TRIM2: variants seen among roughly 807,000 people sequenced by gnomAD.
The protein encoded by TRIM2 is tripartite motif containing 2, also known as tripartite motif-containing protein 2.
In TRIM2, 20 loss-of-function variants were observed where a neutral mutation model predicts 75.2. The ratio of observed to expected loss-of-function variants is 0.27; its 90% CI spans 0.19 to 0.39. TRIM2 has a LOEUF of 0.39. Ranked by LOEUF, TRIM2 falls within the 10% of genes least tolerant of loss-of-function variation. TRIM2 has a pLI of 1.00. For missense variants in TRIM2, 660 were observed against 990.8 expected (o/e 0.67, Z 4.48); for synonymous variants, 373 against 388.3 (o/e 0.96, Z 0.46).
chr4:153,335,539 CTG>C lies in TRIM2; in HGVS notation c.*574_*575del. On this transcript the variant is annotated 3_prime_UTR_variant, in exon 12 of 12. Coordinates refer to ENST00000338700, the MANE Select transcript of TRIM2 (RefSeq NM_015271.5). The stretch of plus-strand genomic sequence containing the variant: ...GATCCCAGCTCTGATTAGCAGCCCT[CTG>C]GAGTTCAGAACTTAAGTATCAGTGC... The C allele has an allele frequency of 1.0e-6, 1 of 985,398 alleles. No individual in the cohort carries two copies. Among genetic ancestry groups the C allele is most frequent in the Non-Finnish European group, 1.2e-6 (1 of 829,922 alleles). The allele number at this position is 985,398 out of a possible 1,614,324, so 61.0% of individuals were successfully genotyped here.
chr4:153,213,091 T>A (rs1737506031), intron 1 of TRIM2, among the ~76,000 whole-genome samples: 1 of 152,194 alleles, frequency 6.6e-6, no homozygotes, highest in South Asian at 2.1e-4. Context: ...GCAATGACTG[T>A]GTGCCAGGAA....
intron 1 of TRIM2, among the ~76,000 whole-genome samples, chr4:153,244,951 C>T (rs1050582611): frequency 6.6e-6 from 1 of 152,190 alleles, no homozygotes; most frequent in African/African-American, 2.4e-5. Context: ...CAGGTTCCTC[C>T]TGCCTTCCCT....
chr4:153,218,491 G>A (rs114554291), intron 1 of TRIM2, among the ~76,000 whole-genome samples: 1,832 of 152,292 alleles, frequency 0.012, 37 homozygotes, highest in African/African-American at 0.042. Context: ...ATTCAGGTGT[G>A]AGCCACTGTG....
At position 153,308,127 on chromosome 4, in the gene TRIM2, C is replaced by A. The variant is rs533597468; in HGVS notation, c.1511-7358C>A. On this transcript the variant is annotated intron_variant, in intron 6 of 11. Coordinates refer to ENST00000338700, the MANE Select transcript of TRIM2 (RefSeq NM_015271.5). ...GCTCCGCTCGGTCATGACGCTGATC[C>A]ACTTGGGAACTTCAGTTCCTTTCCT... 2.1e-4 allele frequency: 218 copies of A among 1,044,294 alleles called. 1 individual carries two copies. Among genetic ancestry groups the A allele is most frequent in the South Asian group, 4.6e-4 (37 of 79,744 alleles). The allele number at this position is 1,044,294 out of a possible 1,614,324, so 64.7% of individuals were successfully genotyped here.
At chr4:153,323,332 G>A (rs1241757986) in intron 9 of TRIM2, among the ~76,000 whole-genome samples, 1 of 152,206 alleles carries the variant, frequency 6.6e-6, no homozygotes, top group Non-Finnish European at 1.5e-5. Flanking sequence ...GCAAGAAGAG[G>A]CTGAAAATAG....
chr4:153,217,951 A>G (rs1738935570), intron 1 of TRIM2, among the ~76,000 whole-genome samples: 1 of 152,210 alleles, frequency 6.6e-6, no homozygotes, highest in South Asian at 2.1e-4. Flanking sequence ...TGATCCCATA[A>G]ATCTAAATTT....
intron 1 of TRIM2, among the ~76,000 whole-genome samples, chr4:153,212,932 A>T (rs1303261878): frequency 6.6e-6 from 1 of 152,146 alleles, no homozygotes; most frequent in Non-Finnish European, 1.5e-5. Flanking sequence ...TTGTCTATTC[A>T]TACAAAGGGA....
At position 153,160,329 on chromosome 4, in the gene TRIM2, G is replaced by C. The variant is rs537076925; in HGVS notation, c.-49+7059G>C. On this transcript the variant is annotated intron_variant, in intron 1 of 11. Transcript: ENST00000437508. ...ATCGGAGATTCAACAAAGCTTCAAGGTTCTAGAAATAAGCGCTTTTGAGAC... is the reference window on the plus strand; with the variant it reads ...ATCGGAGATTCAACAAAGCTTCAAGCTTCTAGAAATAAGCGCTTTTGAGAC... Among the ~76,000 whole-genome samples the C allele has an allele frequency of 2.4e-4, 37 of 152,302 alleles. No homozygotes were observed. In the East Asian group the frequency reaches 4.8e-3, roughly 20 times the overall value.
At chr4:153,191,398 G>A (rs935995849) in intron 1 of TRIM2, among the ~76,000 whole-genome samples, 15 of 152,236 alleles carry the variant, frequency 9.9e-5, no homozygotes, top group South Asian at 4.1e-4. Context: ...CCTGTGTCCC[G>A]GACAATCCTG....
chr4:153,331,260 T>C (rs1415066289), intron 11 of TRIM2, among the ~76,000 whole-genome samples: 3 of 152,058 alleles, frequency 2.0e-5, no homozygotes, highest in African/African-American at 7.2e-5. Flanking sequence ...GAGTTGGAGA[T>C]TGCAGTGAGC....
chr4:153,237,730 C>T (rs954890354), intron 1 of TRIM2, among the ~76,000 whole-genome samples: 1 of 152,022 alleles, frequency 6.6e-6, no homozygotes, highest in African/African-American at 2.4e-5. Context: ...AATACATAAA[C>T]ACATTTATGA....
chr4:153,158,694 T>C (rs556680646), intron 1 of TRIM2, among the ~76,000 whole-genome samples: 130 of 152,146 alleles, frequency 8.5e-4, no homozygotes, highest in African/African-American at 2.9e-3. Flanking sequence ...GGACAAGTGG[T>C]GCGGATAGCC....
chr4:153,315,984 C>G lies in TRIM2; in HGVS notation c.1767C>G (p.Ser589=), dbSNP rs767007696. 6.4e-7 allele frequency: 1 copy of G among 1,568,064 alleles called. No homozygotes were observed. Among genetic ancestry groups the G allele is most frequent in the South Asian group, 1.2e-5 (1 of 84,948 alleles). Residue 589 remains serine (S), a synonymous_variant, in exon 8 of 12, where the codon TCC becomes TCG. Coordinates refer to ENST00000338700, the MANE Select transcript of TRIM2 (RefSeq NM_015271.5). ...ATAAATGGGTCAGCATTTTCTCCTC[C>G]GATGGGAAATTTAAGGTAAGATTAA... ...YDNKWVSIFS[S]DGKFKTKIGS...
At chr4:153,240,111 G>A (rs7356315) in intron 1 of TRIM2, among the ~76,000 whole-genome samples, 18 of 152,178 alleles carry the variant, frequency 1.2e-4, no homozygotes, top group African/African-American at 3.6e-4. Context: ...TGGGATTACA[G>A]GCATAAGCCA....
rs1313204093 is a variant in TRIM2, at chr4:153,275,860, G to A, written c.216-33G>A. On this transcript the variant is annotated intron_variant, in intron 2 of 11. Transcript: ENST00000338700. ...CTGTGAGAAGTGGAGGTTCTGCACT[G>A]TGCTAAGCTCTCCACCTCTGCTTCT... 3.1e-6 allele frequency: 5 copies of A among 1,596,482 alleles called. No individual in the cohort carries two copies. In the South Asian group the frequency reaches 5.6e-5, roughly 18 times the overall value.
chr4:153,159,439 C>T (rs898562828), intron 1 of TRIM2, among the ~76,000 whole-genome samples: 1 of 151,368 alleles, frequency 6.6e-6, no homozygotes, highest in Non-Finnish European at 1.5e-5. Flanking sequence ...TAGCTGGGAC[C>T]ACAAGTGTGC....
At chr4:153,170,926 T>G (rs933494359) in intron 1 of TRIM2, among the ~76,000 whole-genome samples, 2 of 152,242 alleles carry the variant, frequency 1.3e-5, no homozygotes, top group Admixed American at 6.5e-5. Context: ...GGCACCAGGC[T>G]AAGACTATTA....
At chr4:153,279,212 G>C (rs1382834268) in intron 3 of TRIM2, among the ~76,000 whole-genome samples, 1 of 152,176 alleles carries the variant, frequency 6.6e-6, no homozygotes, top group Non-Finnish European at 1.5e-5. Context: ...TCAGAGAAAA[G>C]AGTACTCTTT....
At chr4:153,157,447 G>T (rs1002089284) in intron 1 of TRIM2, among the ~76,000 whole-genome samples, 1 of 152,136 alleles carries the variant, frequency 6.6e-6, no homozygotes, top group Admixed American at 6.5e-5. Context: ...ATGGCCCAGG[G>T]AAAAGGAAAG....
Sources: allele counts gnomAD v4.1 joint callset (sites outside exome capture counted in the v4.1 genomes callset), GRCh38; gene constraint gnomAD v4.1.1; transcripts MANE v1.5; gene names NCBI Gene and HGNC (gene_info 2026-07-23, HGNC 2026-07-21).